The following DVL1 variants were observed in gnomAD, a reference collection of about 807,000 sequenced individuals.
DVL1 encodes dishevelled segment polarity protein 1.
A neutral mutation model predicts 65.0 loss-of-function variants in DVL1; 49 were observed. The observed-to-expected ratio is 0.75, with a 90% confidence interval of 0.60 to 0.96. DVL1 has a LOEUF of 0.96. Among genes scored for constraint, DVL1 ranks in the 40% least tolerant of loss-of-function variants. The pLI, the probability that DVL1 is intolerant of heterozygous loss-of-function variation, is 0.00. For synonymous variants in DVL1, 608 were observed against 433.9 expected, an observed-to-expected ratio of 1.40 and a Z score of -4.99; for missense variants, 1,197 against 1,045.4, an observed-to-expected ratio of 1.15 and a Z score of -2.00.
Position 1,336,378 on chromosome 1 carries a change from C to G in DVL1, c.1852G>C (p.Glu618Gln). 6.3e-7 allele frequency: 1 copy of G among 1,598,424 alleles called. No homozygotes were observed. Among genetic ancestry groups the G allele is most frequent in the African/African-American group, 1.3e-5 (1 of 74,824 alleles). Residue 618 changes from glutamate (E) to glutamine (Q), a missense_variant, in exon 15 of 15, where the codon GAG becomes CAG. Glu to Gln is a conservative substitution (Grantham distance 29). Transcript: ENST00000378888. The stretch of plus-strand genomic sequence containing the variant: ...CGGCTGAGCTGGCCGGCCGGACGCT[C>G]TCGCCAGCTGCTCCCCACCCCACTC... ...APSGVGSSWR[E>Q]RPAGQLSRGS...
At chr1:1,344,138 G>A (rs1030363069) in intron 1 of DVL1, among the ~76,000 whole-genome samples, 1 of 152,122 alleles carries the variant, frequency 6.6e-6, no homozygotes, top group Non-Finnish European at 1.5e-5. Flanking sequence ...TGTGACCTCT[G>A]AGGGCCCAGG....
chr1:1,336,536 G>C (rs1643581737), intron 14 of DVL1, 21 bp from the exon 15 acceptor site: 1 of 1,491,850 alleles, frequency 6.7e-7, no homozygotes, highest in Non-Finnish European at 8.8e-7. Flanking sequence ...GAACAGGATG[G>C]GGAAGGAGCC....
chr1:1,339,871 C>G, intron 8 of DVL1, 59 bp from the exon 9 acceptor site: 1 of 1,591,190 alleles, frequency 6.3e-7, no homozygotes, highest in Middle Eastern at 1.7e-4. Context: ...CCACCGCCCC[C>G]GCAGACCCAC....
chr1:1,342,309 CAA>C, intron 3 of DVL1, 52 bp downstream of exon 3: 1 of 1,515,150 alleles, frequency 6.6e-7, no homozygotes, highest in South Asian at 1.2e-5. Flanking sequence ...TGTTGGCCAG[CAA>C]CCCCCATGAC....
rs1438438669 is a variant in DVL1 at position 1,339,315 on chromosome 1, TGAG to T, written c.1176_1178del (p.Ser393del). 2 of 1,548,310 alleles carry T rather than the reference TGAG, an allele frequency of 1.3e-6. No individual in the cohort carries two copies. The highest frequency in any genetic ancestry group is 2.4e-5 in the East Asian group (1 of 40,918). ...GAGCACCAGGCACGGAGCTGGTTAG[TGAG>T]GAGGAGCTGGTGCGCGTGACGGCGC... is the stretch of plus-strand genomic sequence containing the variant. On this transcript the variant is annotated inframe_deletion, in exon 11 of 15. Transcript: ENST00000378888.
chr1:1,344,342 C>T (rs1410162463), intron 1 of DVL1, among the ~76,000 whole-genome samples: 2 of 152,210 alleles, frequency 1.3e-5, no homozygotes, highest in Non-Finnish European at 2.9e-5. Context: ...CCCGACTGGC[C>T]GCTCCAGGTC....
chr1:1,335,283 T>A lies in DVL1; in HGVS notation c.*859A>T, dbSNP rs552453840. ...GGGCACAGGCCACACATCTGTCCCA[T>A]AAAATTAAACGCTTTTTAGTGTTTA... On this transcript the variant is annotated 3_prime_UTR_variant, in exon 15 of 15. Coordinates refer to ENST00000378888, the MANE Select transcript of DVL1 (RefSeq NM_001330311.2). The A allele has an allele frequency of 1.4e-4, 21 of 152,350 alleles. No individual in the cohort carries two copies. Among genetic ancestry groups the A allele is most frequent in the African/African-American group, 5.1e-4 (21 of 41,578 alleles). The allele number at this position is 152,350 out of a possible 1,614,324, so 9.4% of individuals were successfully genotyped here.
chr1:1,349,182 G>A lies in DVL1; in HGVS notation c.-117C>T, dbSNP rs1243742395. 6.6e-6 allele frequency: 4 copies of A among 603,756 alleles called. No individual in the cohort carries two copies. Among genetic ancestry groups the A allele is most frequent in the African/African-American group, 4.1e-5 (2 of 48,384 alleles). The allele number at this position is 603,756 out of a possible 1,614,324, so 37.4% of individuals were successfully genotyped here. ...GGCCCGCACCGCTCTCGGCCCCGAC[G>A]CTCCGAGGCCCCCGGGCGCCCCCGC... is the stretch of plus-strand genomic sequence containing the variant. On this transcript the variant is annotated 5_prime_UTR_variant, in exon 1 of 15. Coordinates refer to ENST00000378888, the MANE Select transcript of DVL1 (RefSeq NM_001330311.2). The surrounding 1 kb of genome is among the most constrained non-coding windows in gnomAD (Gnocchi z 4.1).
chr1:1,341,460 G>A (rs982544884), intron 5 of DVL1, among the ~76,000 whole-genome samples: 27 of 151,826 alleles, frequency 1.8e-4, no homozygotes, highest in East Asian at 1.9e-4. Flanking sequence ...ACACAGGCGC[G>A]CACACACGTG....
chr1:1,344,646 G>C (rs552013364), intron 1 of DVL1, among the ~76,000 whole-genome samples: 10 of 152,290 alleles, frequency 6.6e-5, no homozygotes, highest in African/African-American at 2.4e-4. Flanking sequence ...ACCCCTCCAC[G>C]TCTGCTGCCC....
chr1:1,343,672 CT>C (rs1344834934), intron 1 of DVL1, among the ~76,000 whole-genome samples: 1 of 152,172 alleles, frequency 6.6e-6, no homozygotes, highest in Non-Finnish European at 1.5e-5. Flanking sequence ...CCCTGCACCC[CT>C]AGTCAGGCTC....
Position 1,340,271 on chromosome 1 carries a change from T to C in DVL1, c.745A>G (p.Ile249Val), listed in dbSNP as rs371052835. The C allele has an allele frequency of 3.7e-5, 60 of 1,613,842 alleles. No individual in the cohort carries two copies. Among genetic ancestry groups the C allele is most frequent in the Admixed American group, 5.0e-5 (3 of 60,000 alleles). The change falls in exon 7 of 15, where the codon ATC becomes GTC. Residue 249 changes from isoleucine to valine, a missense_variant. By Grantham distance (29) the Ile-to-Val change is conservative. Transcript: ENST00000378888. ...CCCATGTTGAGCGTGACAGTGACGA[T>C]GTTGAGGGACATGGTGGAGTCGGTT... ...SITDSTMSLN[I>V]VTVTLNMERH...
At chr1:1,348,793 C>G in intron 1 of DVL1, 103 bp downstream of exon 1, 1 of 1,051,726 alleles carries the variant, frequency 9.5e-7, no homozygotes, top group Non-Finnish European at 1.2e-6. Flanking sequence ...GGTCGCAGGT[C>G]CCCGGGGGCG....
rs1357904776 is a variant in DVL1, at chr1:1,336,402, T to A, written c.1828A>T (p.Ser610Cys). 6 of 1,599,166 alleles carry A rather than the reference T, an allele frequency of 3.8e-6. No homozygotes were observed. In the South Asian group the frequency reaches 6.6e-5, roughly 18 times the overall value. Residue 610 changes from serine to cysteine, a missense_variant, in exon 15 of 15, where the codon AGT becomes TGT. Transcript: ENST00000378888. ...TCTCGCCAGCTGCTCCCCACCCCAC[T>A]CGGTGCCGTGTGATCCGATTCACTG... ...SGSESDHTAP[S>C]GVGSSWRERP...
Position 1,341,523 on chromosome 1 carries a change from T to G in DVL1, c.605+144A>C, listed in dbSNP as rs536098293. ...CGTGCACAAGCACACGTGCATCATGTACACAGACATTTGCAGGCACACACA... is the reference window on the plus strand; with the variant it reads ...CGTGCACAAGCACACGTGCATCATGGACACAGACATTTGCAGGCACACACA... On this transcript the variant is annotated intron_variant, in intron 5 of 14. Transcript: ENST00000378888. The G allele has an allele frequency of 5.1e-5, 59 of 1,149,774 alleles. No homozygotes were observed. The East Asian group carries it at 1.6e-3, about 30-fold the overall frequency. The allele number at this position is 1,149,774 out of a possible 1,614,324, so 71.2% of individuals were successfully genotyped here. A position where few individuals can be genotyped will look rare whatever the true frequency, so the allele number is the denominator to read the frequency against.
At chr1:1,343,713 G>C (rs1040516250) in intron 1 of DVL1, among the ~76,000 whole-genome samples, 3 of 152,000 alleles carry the variant, frequency 2.0e-5, no homozygotes, top group Non-Finnish European at 2.9e-5. Flanking sequence ...TCTCAGACCC[G>C]ACGGACGGAC....
At chr1:1,347,760 C>A (rs1265497500) in intron 1 of DVL1, among the ~76,000 whole-genome samples, 1 of 152,196 alleles carries the variant, frequency 6.6e-6, no homozygotes, top group African/African-American at 2.4e-5. Context: ...TCCTGCCCAA[C>A]CTGACCGGAG....
At position 1,340,642 on chromosome 1, in the gene DVL1, C is replaced by T. The variant is rs1643767638; in HGVS notation, c.606-139G>A. The T allele has an allele frequency of 3.4e-6, 3 of 870,620 alleles. No individual in the cohort carries two copies. In the South Asian group the frequency reaches 5.0e-5, roughly 15 times the overall value. The allele number at this position is 870,620 out of a possible 1,614,324, so 53.9% of individuals were successfully genotyped here. A position where few individuals can be genotyped will look rare whatever the true frequency, so the allele number is the denominator to read the frequency against. On this transcript the variant is annotated intron_variant, in intron 5 of 14. Transcript: ENST00000378888. ...CAGGCTCAGTGCCTGACGTCCACGC[C>T]CCAGGCCCTGCACACGTGATATGCA...
intron 1 of DVL1, among the ~76,000 whole-genome samples, chr1:1,345,699 C>T (rs1236411735): frequency 6.6e-6 from 1 of 152,196 alleles, no homozygotes; most frequent in Admixed American, 6.5e-5. Flanking sequence ...GAGAACCCTC[C>T]AGACTCCCAG....
Sources: gnomAD v4.1 joint callset for allele counts (sites outside exome capture counted in the v4.1 genomes callset) on GRCh38, gnomAD v4.1.1 for gene constraint, Gnocchi (gnomAD v3.1) non-coding constraint, MANE v1.5 for transcripts, NCBI Gene and HGNC (gene_info 2026-07-23, HGNC 2026-07-21) for gene names.